The following KLHL29 variants were observed in gnomAD, a reference collection of about 807,000 sequenced individuals.
The protein encoded by KLHL29 is kelch-like protein 29.
KLHL29 carries 21 observed loss-of-function variants against 80.4 expected under a neutral mutation model. That is an observed-to-expected ratio of 0.26 (90% CI 0.19 to 0.38). The LOEUF (loss-of-function observed/expected upper bound fraction) is 0.38, where lower values mean the gene tolerates loss of function less well. KLHL29 is among the 10% of genes least tolerant of loss of function. The probability of loss-of-function intolerance (pLI) is 1.00; values close to 1 mark genes in which losing one functional copy is unlikely to be tolerated. For missense variants in KLHL29, 867 were observed against 1,223.9 expected (o/e 0.71, Z 4.35); for synonymous variants, 511 against 526.8 (o/e 0.97, Z 0.41).
At chr2:23,582,108 A>C (rs985680966) in intron 3 of KLHL29, among the ~76,000 whole-genome samples, 9 of 152,102 alleles carry the variant, frequency 5.9e-5, no homozygotes, top group Non-Finnish European at 1.0e-4. Context: ...TATCAGCCTC[A>C]CGCCTCCAGT....
At chr2:23,653,804 C>G (rs1670155052) in intron 5 of KLHL29, among the ~76,000 whole-genome samples, 1 of 150,654 alleles carries the variant, frequency 6.6e-6, no homozygotes, top group Admixed American at 6.6e-5. Context: ...CAGGTCTCTA[C>G]AAATATCAGA....
chr2:23,510,278 G>C (rs76943312), intron 2 of KLHL29, among the ~76,000 whole-genome samples: 3,058 of 152,292 alleles, frequency 0.02, 99 homozygotes, highest in African/African-American at 0.069. Flanking sequence ...ACTTAACCAA[G>C]AAGCATGACT....
chr2:23,397,832 A>G (rs546912615), intron 1 of KLHL29, among the ~76,000 whole-genome samples: 1 of 152,374 alleles, frequency 6.6e-6, no homozygotes, highest in Non-Finnish European at 1.5e-5. Context: ...GAGAAGGTAT[A>G]CCAATGGCCA....
intron 2 of KLHL29, among the ~76,000 whole-genome samples, chr2:23,518,481 C>T (rs774895773): frequency 5.9e-5 from 9 of 152,210 alleles, no homozygotes; most frequent in Non-Finnish European, 8.8e-5. Context: ...CCTCGCTTTC[C>T]TCTGTCTGCT....
intron 3 of KLHL29, among the ~76,000 whole-genome samples, chr2:23,625,408 A>G (rs370294513): frequency 2.0e-4 from 31 of 152,376 alleles, no homozygotes; most frequent in African/African-American, 7.2e-4. Flanking sequence ...AAAATTGCAC[A>G]GGGGCACGGT....
intron 3 of KLHL29, among the ~76,000 whole-genome samples, chr2:23,579,448 A>G (rs1263666199): frequency 5.9e-5 from 9 of 152,108 alleles, no homozygotes; most frequent in Admixed American, 5.9e-4. Context: ...CTTCTTCTGC[A>G]TGCCTGGCTC....
intron 1 of KLHL29, among the ~76,000 whole-genome samples, chr2:23,467,687 G>A (rs1572339340): frequency 1.3e-5 from 2 of 152,326 alleles, no homozygotes; most frequent in East Asian, 3.9e-4. Context: ...TCATGAAATA[G>A]AAGCTGTAGC....
intron 1 of KLHL29, among the ~76,000 whole-genome samples, chr2:23,439,052 T>A (rs1401805859): frequency 2.0e-5 from 3 of 149,834 alleles, no homozygotes; most frequent in Non-Finnish European, 4.4e-5. Flanking sequence ...AGTGTATGTG[T>A]CGAGGAATTT....
chr2:23,642,162 C>T (rs1413016536), intron 4 of KLHL29, among the ~76,000 whole-genome samples, 176 bp from the exon 5 acceptor site: 1 of 152,154 alleles, frequency 6.6e-6, no homozygotes, highest in East Asian at 1.9e-4. Context: ...GTTCGTAGAC[C>T]CCCTAGCACA....
intron 2 of KLHL29, among the ~76,000 whole-genome samples, chr2:23,502,666 G>A (rs1424404352): frequency 1.3e-5 from 2 of 152,376 alleles, no homozygotes; most frequent in East Asian, 1.9e-4. Flanking sequence ...CAGGCGGTCA[G>A]CAGGGATTCA....
Position 23,670,784 on chromosome 2 carries a change from G to A in KLHL29, c.941-13615G>A, listed in dbSNP as rs555314993. 3.0e-3 allele frequency among the ~76,000 whole-genome samples: 461 copies of A among 151,902 alleles called. 4 individuals carry two copies. Among genetic ancestry groups the A allele is most frequent in the East Asian group, 6.3e-3 (32 of 5,116 alleles). On this transcript the variant is annotated intron_variant, in intron 5 of 13. Transcript: ENST00000486442. ...CAGACATGTTGCCCTAAACTGACCC[G>A]GGCCAGGTTGGGCAGGAGGGGTGGG...
intron 3 of KLHL29, among the ~76,000 whole-genome samples, chr2:23,594,045 T>C (rs1301301380): frequency 1.3e-5 from 2 of 152,208 alleles, no homozygotes; most frequent in African/African-American, 4.8e-5. Flanking sequence ...CCTCGTCCAC[T>C]TCACAAGGTA....
intron 3 of KLHL29, among the ~76,000 whole-genome samples, chr2:23,589,655 A>AT: frequency 6.6e-6 from 1 of 152,206 alleles, no homozygotes; most frequent in Middle Eastern, 3.2e-3. Flanking sequence ...CAGAAAGCCC[A>AT]TTTGGGACCT....
At chr2:23,594,423 T>A (rs605953) in intron 3 of KLHL29, among the ~76,000 whole-genome samples, 4 of 151,764 alleles carry the variant, frequency 2.6e-5, no homozygotes, top group South Asian at 2.1e-4. Context: ...TGGATTGTTC[T>A]AATCCCAGAC....
chr2:23,390,968 G>T (rs530032299), intron 1 of KLHL29, among the ~76,000 whole-genome samples: 1 of 152,220 alleles, frequency 6.6e-6, no homozygotes, highest in African/African-American at 2.4e-5. Context: ...CTGTGCATTC[G>T]TAGCATTCAC....
intron 1 of KLHL29, among the ~76,000 whole-genome samples, chr2:23,397,155 C>T (rs936964155): frequency 6.6e-6 from 1 of 152,182 alleles, no homozygotes; most frequent in South Asian, 2.1e-4. Flanking sequence ...TGGAGAACCT[C>T]GTCAGGAGAG....
At chr2:23,691,605 T>C in intron 6 of KLHL29, 69 bp from the exon 7 acceptor site, 3 of 1,346,516 alleles carry the variant, frequency 2.2e-6, no homozygotes, top group Non-Finnish European at 3.1e-6. Context: ...CAGGGAGATC[T>C]AGCCCTGTGA....
intron 1 of KLHL29, among the ~76,000 whole-genome samples, chr2:23,393,471 T>C (rs1488634234): frequency 2.6e-5 from 4 of 152,220 alleles, no homozygotes; most frequent in Non-Finnish European, 5.9e-5. Context: ...GTCTGTCCTC[T>C]CTCAGGGGCT....
At chr2:23,674,720 A>G (rs1572486668) in intron 5 of KLHL29, among the ~76,000 whole-genome samples, 1 of 110,042 alleles carries the variant, frequency 9.1e-6, no homozygotes, top group Admixed American at 1.3e-4. Flanking sequence ...CAGACATTGG[A>G]TTCAGTTCAG....
Sources: gnomAD v4.1 joint callset for allele counts (sites outside exome capture counted in the v4.1 genomes callset) on GRCh38, gnomAD v4.1.1 for gene constraint, MANE v1.5 for transcripts, NCBI Gene and HGNC (gene_info 2026-07-23, HGNC 2026-07-21) for gene names.